UTRN: variants seen among roughly 807,000 people sequenced by gnomAD.
UTRN encodes dystrophin-related protein 1.
UTRN carries 283 observed loss-of-function variants against 463.9 expected under a neutral mutation model. That is an observed-to-expected ratio of 0.61 (90% CI 0.55 to 0.67). The LOEUF is 0.67. UTRN is among the 30% of genes least tolerant of loss of function. The pLI is 0.00. For missense variants in UTRN, 3,922 were observed against 4,084.3 expected, an observed-to-expected ratio of 0.96 and a Z score of 1.08; for synonymous variants, 1,442 against 1,431.5, an observed-to-expected ratio of 1.01 and a Z score of -0.17.
At chr6:144,635,521 T>C (rs1168530754) in intron 51 of UTRN, among the ~76,000 whole-genome samples, 1 of 78,736 alleles carries the variant, frequency 1.3e-5, no homozygotes, top group African/African-American at 5.3e-5. Context: ...TTTCTTTTTT[T>C]TTTTTTTTCT....
chr6:144,481,945 G>T (rs1490550875), intron 26 of UTRN, among the ~76,000 whole-genome samples: 1 of 152,192 alleles, frequency 6.6e-6, no homozygotes, highest in Non-Finnish European at 1.5e-5. Flanking sequence ...TGTAATCACA[G>T]CTTCTCGGGA....
chr6:144,641,741 T>C (rs1777788919), intron 51 of UTRN, among the ~76,000 whole-genome samples: 1 of 152,180 alleles, frequency 6.6e-6, no homozygotes, highest in South Asian at 2.1e-4. Flanking sequence ...AGAGTTTGAG[T>C]TTCTCTTACG....
chr6:144,606,666 T>C (rs1017625569), intron 51 of UTRN, among the ~76,000 whole-genome samples: 2 of 152,210 alleles, frequency 1.3e-5, no homozygotes, highest in African/African-American at 4.8e-5. Flanking sequence ...CACTCTCGAA[T>C]TGGATTCTAT....
chr6:144,427,876 A>G (rs1365958324), intron 7 of UTRN, among the ~76,000 whole-genome samples: 1 of 152,242 alleles, frequency 6.6e-6, no homozygotes, highest in African/African-American at 2.4e-5. Flanking sequence ...CTTATGTTCC[A>G]ACAGAGGGAG....
At chr6:144,828,972 G>A (rs2128756944) in intron 69 of UTRN, 117 bp downstream of exon 69, 1 of 1,187,344 alleles carries the variant, frequency 8.4e-7, no homozygotes, top group South Asian at 1.4e-5. Context: ...ATTATTAAGT[G>A]TGGTTCCAAA....
rs75370490 is a variant in UTRN at position 144,368,229 on chromosome 6, G to A, written c.80-34894G>A. Among the ~76,000 whole-genome samples, 1,285 of 152,172 alleles carry A rather than the reference G, an allele frequency of 8.4e-3. 19 individuals are homozygous for A. The highest frequency in any genetic ancestry group is 0.029 in the African/African-American group (1,192 of 41,504). Reference sequence around the variant, plus strand: ...TGGACATTGAAGATAACCTAATTCTGGCCATTGATTTCTTCAGTTTCTTTA... The same window carrying A: ...TGGACATTGAAGATAACCTAATTCTAGCCATTGATTTCTTCAGTTTCTTTA... On this transcript the variant is annotated intron_variant, in intron 2 of 74. Transcript: ENST00000367545.
At chr6:144,487,137 A>G (rs1792538337) in intron 28 of UTRN, among the ~76,000 whole-genome samples, 1 of 151,926 alleles carries the variant, frequency 6.6e-6, no homozygotes, top group Non-Finnish European at 1.5e-5. Context: ...ATTTCCCCAT[A>G]TAATTAATAA....
intron 23 of UTRN, among the ~76,000 whole-genome samples, chr6:144,463,696 C>G (rs999995581): frequency 1.3e-5 from 2 of 150,726 alleles, no homozygotes; most frequent in African/African-American, 4.9e-5. Flanking sequence ...CCAAGATGTA[C>G]TCATAACTAG....
At chr6:144,656,015 C>T (rs1409162063) in intron 51 of UTRN, among the ~76,000 whole-genome samples, 1 of 152,056 alleles carries the variant, frequency 6.6e-6, no homozygotes, top group African/African-American at 2.4e-5. Flanking sequence ...CTGAGTTTTC[C>T]TGTGCTTCTC....
intron 34 of UTRN, among the ~76,000 whole-genome samples, chr6:144,509,926 A>G (rs1189553760): frequency 6.6e-6 from 1 of 152,154 alleles, no homozygotes; most frequent in Non-Finnish European, 1.5e-5. Flanking sequence ...CTTATTAATA[A>G]TTGCTGAGAG....
intron 55 of UTRN, among the ~76,000 whole-genome samples, chr6:144,750,119 A>G (rs1489020879): frequency 1.3e-5 from 2 of 152,116 alleles, no homozygotes; most frequent in African/African-American, 4.8e-5. Context: ...AATCTGAGAG[A>G]CCCAGACCTT....
intron 51 of UTRN, among the ~76,000 whole-genome samples, chr6:144,634,714 G>C (rs1776918354): frequency 1.3e-5 from 2 of 152,066 alleles, no homozygotes; most frequent in African/African-American, 2.4e-5. Context: ...GGAAACCTTG[G>C]GTCTACTTTC....
intron 53 of UTRN, among the ~76,000 whole-genome samples, chr6:144,713,107 T>C (rs1785919182): frequency 6.6e-6 from 1 of 152,174 alleles, no homozygotes. Flanking sequence ...TTTTCGAATA[T>C]TTGCATTACA....
At chr6:144,734,359 G>A (rs1300615591) in intron 54 of UTRN, among the ~76,000 whole-genome samples, 1 of 152,192 alleles carries the variant, frequency 6.6e-6, no homozygotes, top group Non-Finnish European at 1.5e-5. Context: ...ATCAGCAGTA[G>A]AGTAATTGGA....
chr6:144,332,182 C>T (rs559986834), intron 2 of UTRN, among the ~76,000 whole-genome samples: 275 of 152,374 alleles, frequency 1.8e-3, no homozygotes, highest in Non-Finnish European at 2.6e-3. Context: ...TCTCCACCAT[C>T]CACACTTGTC....
intron 38 of UTRN, 136 bp downstream of exon 38, chr6:144,516,523 G>A: frequency 9.6e-7 from 1 of 1,039,462 alleles, no homozygotes. Context: ...TTTGATGTGT[G>A]TCAATGTAAG....
intron 49 of UTRN, among the ~76,000 whole-genome samples, chr6:144,556,578 A>G (rs1438818392): frequency 6.6e-6 from 1 of 152,232 alleles, no homozygotes; most frequent in Non-Finnish European, 1.5e-5. Context: ...GAGTACCTTG[A>G]TCCAGAGACT....
At chr6:144,792,629 ATATT>A (rs1385750283) in intron 62 of UTRN, among the ~76,000 whole-genome samples, 1 of 152,170 alleles carries the variant, frequency 6.6e-6, no homozygotes, top group Non-Finnish European at 1.5e-5. Flanking sequence ...AATCCAATAA[ATATT>A]TACTCCACTT....
intron 57 of UTRN, 118 bp from the exon 58 acceptor site, chr6:144,757,811 C>T: frequency 3.6e-6 from 3 of 832,424 alleles, no homozygotes; most frequent in Non-Finnish European, 5.4e-6. Context: ...TTATAGGAAT[C>T]CAGCTCAGAA....
Sources: allele counts gnomAD v4.1 joint callset (sites outside exome capture counted in the v4.1 genomes callset), GRCh38; gene constraint gnomAD v4.1.1; transcripts MANE v1.5; gene names NCBI Gene and HGNC (gene_info 2026-07-23, HGNC 2026-07-21).